The following CNTNAP2 variants were observed in gnomAD, a reference collection of about 807,000 sequenced individuals.
The protein encoded by CNTNAP2 is contactin associated protein 2.
CNTNAP2 carries 98 observed loss-of-function variants against 155.2 expected under a neutral mutation model. That is an observed-to-expected ratio of 0.63 (90% CI 0.54 to 0.75). The LOEUF (loss-of-function observed/expected upper bound fraction) is 0.75, where lower values mean the gene tolerates loss of function less well. CNTNAP2 is among the 30% of genes least tolerant of loss of function. The probability of loss-of-function intolerance (pLI) is 0.00; values close to 1 mark genes in which losing one functional copy is unlikely to be tolerated. For missense variants in CNTNAP2, 1,727 were observed against 1,688.1 expected, an observed-to-expected ratio of 1.02 and a Z score of -0.40; for synonymous variants, 651 against 631.2, an observed-to-expected ratio of 1.03 and a Z score of -0.47.
intron 21 of CNTNAP2, among the ~76,000 whole-genome samples, chr7:148,293,074 TAAATA>T (rs1797217616): frequency 1.2e-5 from 1 of 85,828 alleles, no homozygotes; most frequent in Non-Finnish European, 2.6e-5. Context: ...TGACAAAAAA[TAAATA>T]AAATAAAATA....
intron 7 of CNTNAP2, among the ~76,000 whole-genome samples, chr7:147,130,090 T>G (rs1801322338): frequency 6.6e-6 from 1 of 152,078 alleles, no homozygotes; most frequent in African/African-American, 2.4e-5. Flanking sequence ...ATGAGAAAAA[T>G]AACTTTTATT....
intron 15 of CNTNAP2, among the ~76,000 whole-genome samples, chr7:148,073,165 C>G (rs1563189734): frequency 1.3e-5 from 2 of 152,130 alleles, no homozygotes; most frequent in East Asian, 3.8e-4. Flanking sequence ...AATCACTGGT[C>G]TAATACACTG....
intron 1 of CNTNAP2, among the ~76,000 whole-genome samples, chr7:146,758,540 T>C (rs1161180556): frequency 6.6e-6 from 1 of 152,124 alleles, no homozygotes; most frequent in Non-Finnish European, 1.5e-5. Context: ...CAGTTCCACG[T>C]GGCTGGGGAG....
chr7:146,219,498 G>A (rs191285923), intron 1 of CNTNAP2, among the ~76,000 whole-genome samples: 35 of 152,222 alleles, frequency 2.3e-4, no homozygotes, highest in South Asian at 2.1e-4. Context: ...GCTAATTATT[G>A]TAAACTTTTC....
chr7:147,508,356 A>G (rs950723018), intron 11 of CNTNAP2, among the ~76,000 whole-genome samples: 17 of 152,180 alleles, frequency 1.1e-4, no homozygotes, highest in Non-Finnish European at 2.4e-4. Context: ...TGAAGCCAGT[A>G]ATCTAGCCAC....
Position 146,748,061 on chromosome 7 carries a change from G to C in CNTNAP2, c.98-26210G>C, listed in dbSNP as rs551860424. On this transcript the variant is annotated intron_variant, in intron 1 of 23. Coordinates refer to ENST00000361727, the MANE Select transcript of CNTNAP2 (RefSeq NM_014141.6). ...TTTTGAATCAGGAAATGATCAACCT[G>C]ATTTCAGAGATGAGAATATTAAAGC... Among the ~76,000 whole-genome samples the C allele has an allele frequency of 2.0e-4, 30 of 150,248 alleles. No homozygotes were observed. In the South Asian group the frequency reaches 6.1e-3, roughly 31 times the overall value.
chr7:146,798,271 C>A (rs942588544), intron 2 of CNTNAP2, among the ~76,000 whole-genome samples: 2 of 150,988 alleles, frequency 1.3e-5, no homozygotes. Flanking sequence ...GAGCCAGACC[C>A]TGTCTCCAAA....
At chr7:147,147,829 T>C (rs757837726) in intron 8 of CNTNAP2, among the ~76,000 whole-genome samples, 40 of 152,190 alleles carry the variant, frequency 2.6e-4, no homozygotes, top group Non-Finnish European at 4.6e-4. Flanking sequence ...AAGTACCCAG[T>C]ATCCTGTGAG....
intron 1 of CNTNAP2, among the ~76,000 whole-genome samples, chr7:146,721,262 C>T (rs1338709966): frequency 7.9e-5 from 10 of 126,422 alleles, no homozygotes; most frequent in African/African-American, 3.0e-4. Flanking sequence ...TCTATATACT[C>T]TCTATATATT....
At chr7:147,258,962 A>G (rs1319649667) in intron 8 of CNTNAP2, among the ~76,000 whole-genome samples, 4 of 152,236 alleles carry the variant, frequency 2.6e-5, no homozygotes, top group Non-Finnish European at 5.9e-5. Flanking sequence ...GAGTGAAAGC[A>G]GAGGCACAGC....
chr7:148,220,433 T>C (rs1259977724), intron 19 of CNTNAP2, among the ~76,000 whole-genome samples: 2 of 152,088 alleles, frequency 1.3e-5, no homozygotes, highest in East Asian at 3.9e-4. Context: ...AAAATAAAAA[T>C]TGAAAAGAAT....
intron 13 of CNTNAP2, among the ~76,000 whole-genome samples, chr7:147,876,593 A>C (rs1419123667): frequency 9.9e-5 from 15 of 151,624 alleles, no homozygotes; most frequent in Non-Finnish European, 1.2e-4. Context: ...ATCAAATTGT[A>C]ATACAAATAT....
chr7:147,225,477 G>C (rs1490730613), intron 8 of CNTNAP2, among the ~76,000 whole-genome samples: 2 of 152,008 alleles, frequency 1.3e-5, no homozygotes, highest in Admixed American at 1.3e-4. Context: ...TATGACTCTT[G>C]TTTTTAATTA....
intron 21 of CNTNAP2, among the ~76,000 whole-genome samples, chr7:148,362,694 C>G (rs1034442856): frequency 6.6e-6 from 1 of 152,218 alleles, no homozygotes; most frequent in South Asian, 2.1e-4. Flanking sequence ...GGGGGACTTA[C>G]TACTCGTGTG....
chr7:146,353,517 TTA>T (rs751569052), intron 1 of CNTNAP2, among the ~76,000 whole-genome samples: 6 of 152,150 alleles, frequency 3.9e-5, no homozygotes, highest in Non-Finnish European at 7.3e-5. Context: ...ATTCCCAAAT[TTA>T]TATCTCTAAT....
chr7:147,267,455 T>G (rs1804638142), intron 8 of CNTNAP2, among the ~76,000 whole-genome samples: 1 of 152,178 alleles, frequency 6.6e-6, no homozygotes, highest in Admixed American at 6.5e-5. Flanking sequence ...GAATCTTGTT[T>G]CCTTTCATGT....
At chr7:146,623,732 TA>T (rs1799372506) in intron 1 of CNTNAP2, among the ~76,000 whole-genome samples, 1 of 152,190 alleles carries the variant, frequency 6.6e-6, no homozygotes, top group South Asian at 2.1e-4. Flanking sequence ...TGTGTGTACA[TA>T]AGTTTTCAAT....
intron 17 of CNTNAP2, among the ~76,000 whole-genome samples, chr7:148,170,194 G>A (rs922721347): frequency 6.6e-5 from 10 of 152,134 alleles, no homozygotes; most frequent in African/African-American, 2.4e-4. Context: ...TTGATCACCA[G>A]GCAGAAAGAG....
At chr7:148,072,138 A>C (rs917876277) in intron 15 of CNTNAP2, among the ~76,000 whole-genome samples, 12 of 152,108 alleles carry the variant, frequency 7.9e-5, no homozygotes, top group African/African-American at 2.9e-4. Context: ...GGATTTCTTC[A>C]TATCCTCCCT....
Sources: allele counts gnomAD v4.1 joint callset (sites outside exome capture counted in the v4.1 genomes callset), GRCh38; gene constraint gnomAD v4.1.1; transcripts MANE v1.5; gene names NCBI Gene and HGNC (gene_info 2026-07-23, HGNC 2026-07-21).